The following PLTP variants were observed in gnomAD, a reference collection of about 807,000 sequenced individuals.
The protein encoded by PLTP is phospholipid transfer protein, also known as BPI fold containing family E.
A neutral mutation model predicts 54.1 loss-of-function variants in PLTP; 43 were observed. The ratio of observed to expected loss-of-function variants is 0.79; its 90% CI spans 0.62 to 1.02. The LOEUF (loss-of-function observed/expected upper bound fraction) is 1.02. Among genes scored for constraint, PLTP ranks in the 50% least tolerant of loss-of-function variants. The pLI is 0.00. For synonymous variants in PLTP, 263 were observed against 264.6 expected (o/e 0.99, Z 0.06); for missense variants, 604 against 645.9 (o/e 0.94, Z 0.70).
At chr20:45,909,476 G>A (rs2083269443) in intron 5 of PLTP, 40 bp downstream of exon 5, 1 of 1,611,332 alleles carries the variant, frequency 6.2e-7, no homozygotes, top group East Asian at 2.2e-5. Flanking sequence ...TGAGCTGTGG[G>A]GCTCGAAAAG....
rs746338299 is a variant in PLTP, at chr20:45,898,911, A to G, written c.*30T>C. On this transcript the variant is annotated 3_prime_UTR_variant, in exon 16 of 16. Coordinates refer to ENST00000372431, the MANE Select transcript of PLTP (RefSeq NM_006227.4). This position sits in a 1 kb window ranked among gnomAD's most constrained non-coding sequence, Gnocchi z 4.6. ...GGGCTGAGAGGGGTTGGGGTCCTGA[A>G]TGACAGCTGCCAGCTTGGGGATTGA... 2 of 1,611,460 alleles carry G rather than the reference A, an allele frequency of 1.2e-6. No homozygotes were observed. The highest frequency in any genetic ancestry group is 2.7e-5 in the African/African-American group (2 of 74,854).
chr20:45,902,384 C>T lies in PLTP; in HGVS notation c.1108-50G>A, dbSNP rs2083194982. 3.7e-6 allele frequency: 6 copies of T among 1,613,928 alleles called. No homozygotes were observed. The East Asian group carries it at 1.3e-4, about 36-fold the overall frequency. On this transcript the variant is annotated intron_variant, in intron 11 of 15. Transcript: ENST00000372431. ...GTTACTGACCCAGAAGGTCAGTAAC[C>T]CACAGCCCATTTTTCCCTGACCCCC...
chr20:45,902,453 G>A lies in PLTP; in HGVS notation c.1094C>T (p.Ser365Phe), dbSNP rs756550012. Residue 365 changes from serine to phenylalanine, a missense_variant, in exon 11 of 16, where the codon TCC (serine) becomes TTC (phenylalanine). Transcript: ENST00000372431. ...TGGGACCCGTACCATAGTCATGCTG[G>A]ACAGCTGGACCTCAGGCTGGTCTGG... is the stretch of plus-strand genomic sequence containing the variant. ...VPPDQPEVQL[S>F]SMTMDARLSA... 19 of 1,614,118 alleles carry A rather than the reference G, an allele frequency of 1.2e-5. No homozygotes were observed. Among genetic ancestry groups the A allele is most frequent in the Non-Finnish European group, 1.2e-5 (14 of 1,180,046 alleles).
intron 3 of PLTP, 94 bp from the exon 4 acceptor site, chr20:45,910,164 T>C: frequency 7.1e-7 from 1 of 1,406,544 alleles, no homozygotes; most frequent in Non-Finnish European, 1.0e-6. Context: ...AGTCCAGGCC[T>C]GGGGAAGCGG....
chr20:45,911,177 C>G lies in PLTP; in HGVS notation c.175G>C (p.Gly59Arg), dbSNP rs139898818. 6.2e-7 allele frequency: 1 copy of G among 1,614,112 alleles called. No homozygotes were observed. Among genetic ancestry groups the G allele is most frequent in the East Asian group, 2.2e-5 (1 of 44,880 alleles). Residue 59 changes from glycine to arginine, a missense_variant, in exon 3 of 16, where the codon GGC (glycine) becomes CGC (arginine). Transcript: ENST00000372431. ...TCAGAGATGTTGTAGTAGAAGTGGC[C>G]TTCTTTGCCCCGCAGGTCCGGAATG... ...ITIPDLRGKE[G>R]HFYYNISEVK...
chr20:45,904,957 C>T lies in PLTP; in HGVS notation c.867G>A (p.Leu289=). Residue 289 remains leucine (L), a synonymous_variant, in exon 9 of 16, where the codon TTG becomes TTA. Transcript: ENST00000372431. ...CATGACATACCTTGTCCCCCACCAGCAACAGCTGCAGGGCCCCCGCCCGGA... is the reference window on the plus strand; with the variant it reads ...CATGACATACCTTGTCCCCCACCAGTAACAGCTGCAGGGCCCCCGCCCGGA... ...SYFRAGALQL[L]LVGDKVPHDL... The T allele has an allele frequency of 6.2e-7, 1 of 1,614,278 alleles. No homozygotes were observed. The highest frequency in any genetic ancestry group is 8.5e-7 in the Non-Finnish European group (1 of 1,180,052).
intron 5 of PLTP, among the ~76,000 whole-genome samples, chr20:45,909,124 C>A (rs923606407): frequency 2.6e-5 from 4 of 151,924 alleles, no homozygotes; most frequent in African/African-American, 9.7e-5. Context: ...GCCACCACGC[C>A]CAGCTAATTT....
rs368186811 is a variant in PLTP at position 45,905,005 on chromosome 20, G to A, written c.819C>T (p.Phe273=). 2.5e-5 allele frequency: 41 copies of A among 1,614,170 alleles called. No individual in the cohort carries two copies. Among genetic ancestry groups the A allele is most frequent in the Non-Finnish European group, 3.1e-5 (37 of 1,180,004 alleles). The change falls in exon 9 of 16, where the codon TTC becomes TTT. Residue 273 remains phenylalanine (F), a synonymous_variant. Transcript: ENST00000372431. The part of the protein sequence containing the change: ...MVYVAFSEFF[F]DSAMESYFRA... ...GGAAGTAGCTCTCCATGGCAGAGTC[G>A]AAGAAGAACTCAGAGAAGGCCACAT...
chr20:45,905,247 G>A, intron 8 of PLTP, 129 bp from the exon 9 acceptor site: 1 of 777,442 alleles, frequency 1.3e-6, no homozygotes, highest in Non-Finnish European at 2.1e-6. Context: ...GTTCTTGGAG[G>A]ATTCACAAGC....
rs1455004064 is a variant in PLTP at position 45,902,536 on chromosome 20, G to A, written c.1011C>T (p.Ile337=). The A allele has an allele frequency of 1.2e-6, 2 of 1,614,128 alleles. No individual in the cohort carries two copies. The highest frequency in any genetic ancestry group is 1.7e-5 in the Admixed American group (1 of 60,028). Residue 337 remains isoleucine (I), a synonymous_variant, in exon 11 of 16, where the codon ATC becomes ATT. Transcript: ENST00000372431. ...CAGAGATGGTGGTGCCAGAGGGCTTGATGGTGCAGCGCGGTGGGGCCAGGA... is the reference window on the plus strand; with the variant it reads ...CAGAGATGGTGGTGCCAGAGGGCTTAATGGTGCAGCGCGGTGGGGCCAGGA... ...LRVLAPPRCT[I]KPSGTTISVT...
At chr20:45,903,307 C>T (rs1370334415) in intron 10 of PLTP, among the ~76,000 whole-genome samples, 1 of 152,236 alleles carries the variant, frequency 6.6e-6, no homozygotes, top group Non-Finnish European at 1.5e-5. Flanking sequence ...TCAAATTATC[C>T]TGCCACATCA....
chr20:45,906,253 G>A lies in PLTP; in HGVS notation c.705+15C>T. On this transcript the variant is annotated intron_variant, in intron 8 of 15. Coordinates refer to ENST00000372431, the MANE Select transcript of PLTP (RefSeq NM_006227.4). Reference sequence around the variant, plus strand: ...TTAGGAAGTCAGAGGTCATACACCAGCCCAAGCAGCTCACCCGGAAGTCCA... The same window carrying A: ...TTAGGAAGTCAGAGGTCATACACCAACCCAAGCAGCTCACCCGGAAGTCCA... The A allele has an allele frequency of 6.3e-7, 1 of 1,590,930 alleles. No individual in the cohort carries two copies. Among genetic ancestry groups the A allele is most frequent in the Non-Finnish European group, 8.6e-7 (1 of 1,158,872 alleles).
rs771853701 is a variant in PLTP, at chr20:45,907,678, C to T, written c.613+14G>A. 59 of 1,612,690 alleles carry T rather than the reference C, an allele frequency of 3.7e-5. No individual in the cohort carries two copies. The East Asian group carries it at 8.2e-4, about 23-fold the overall frequency. Reference sequence around the variant, plus strand: ...TGACAGCTGCACACCCAGACTCACCCGCCACCAACTCACCAGGCACGGTGT... The same window carrying T: ...TGACAGCTGCACACCCAGACTCACCTGCCACCAACTCACCAGGCACGGTGT... On this transcript the variant is annotated intron_variant, in intron 7 of 15. Coordinates refer to ENST00000372431, the MANE Select transcript of PLTP (RefSeq NM_006227.4).
intron 12 of PLTP, among the ~76,000 whole-genome samples, chr20:45,901,115 A>G (rs2083180310): frequency 6.6e-6 from 1 of 152,230 alleles, no homozygotes; most frequent in Non-Finnish European, 1.5e-5. Flanking sequence ...TGCACCGTCT[A>G]CTATGGTAGT....
chr20:45,899,915 T>C, intron 12 of PLTP, 37 bp from the exon 13 acceptor site: 1 of 1,530,042 alleles, frequency 6.5e-7, no homozygotes, highest in Non-Finnish European at 8.8e-7. Context: ...GCAGGAAGCC[T>C]GGAAGCTCCC....
At chr20:45,900,147 C>G (rs2083168789) in intron 12 of PLTP, among the ~76,000 whole-genome samples, 1 of 120,210 alleles carries the variant, frequency 8.3e-6, no homozygotes, top group South Asian at 2.9e-4. Flanking sequence ...CTCGCTGTGT[C>G]GCCCACGCTG....
chr20:45,909,363 A>C (rs1214076674), intron 5 of PLTP, among the ~76,000 whole-genome samples, 153 bp downstream of exon 5: 2 of 150,926 alleles, frequency 1.3e-5, no homozygotes, highest in African/African-American at 5.0e-5. Flanking sequence ...ACCAAGCTTC[A>C]GTGACTTGGC....
intron 3 of PLTP, 81 bp from the exon 4 acceptor site, chr20:45,910,151 T>C: frequency 6.6e-7 from 1 of 1,505,270 alleles, no homozygotes; most frequent in Non-Finnish European, 9.2e-7. Flanking sequence ...TGCTCCCCTT[T>C]CAAGTCCAGG....
Position 45,898,901 on chromosome 20 carries a change from G to A in PLTP, c.*40C>T, listed in dbSNP as rs749321864. 1 of 1,609,196 alleles carries A rather than the reference G, an allele frequency of 6.2e-7. No homozygotes were observed. The highest frequency in any genetic ancestry group is 8.5e-7 in the Non-Finnish European group (1 of 1,176,894). ...GGGAAAAGAGGGGCTGAGAGGGGTT[G>A]GGGTCCTGAATGACAGCTGCCAGCT... is the stretch of plus-strand genomic sequence containing the variant. On this transcript the variant is annotated 3_prime_UTR_variant, in exon 16 of 16. Transcript: ENST00000372431. The surrounding 1 kb of genome is among the most constrained non-coding windows in gnomAD (Gnocchi z 4.6).
Sources: allele counts gnomAD v4.1 joint callset (sites outside exome capture counted in the v4.1 genomes callset), GRCh38; gene constraint gnomAD v4.1.1; non-coding constraint Gnocchi (gnomAD v3.1); transcripts MANE v1.5; gene names NCBI Gene and HGNC (gene_info 2026-07-23, HGNC 2026-07-21).